The following CCSER2 variants were observed in gnomAD, a reference collection of about 807,000 sequenced individuals.
CCSER2 encodes the protein serine-rich coiled-coil domain-containing protein 2.
Under a neutral mutation model 92.3 loss-of-function variants are expected in CCSER2, and 46 were observed. The ratio of observed to expected loss-of-function variants is 0.50; its 90% CI spans 0.39 to 0.64. The LOEUF is 0.64. Ranked by LOEUF, CCSER2 falls within the 30% of genes least tolerant of loss-of-function variation. The probability of loss-of-function intolerance (pLI) is 0.00; values close to 1 mark genes in which losing one functional copy is unlikely to be tolerated. For missense variants in CCSER2, 1,244 were observed against 1,238.9 expected, an observed-to-expected ratio of 1.00 and a Z score of -0.06; for synonymous variants, 433 against 431.4, an observed-to-expected ratio of 1.00 and a Z score of -0.04.
chr10:84,501,844 T>A (rs866071645), intron 9 of CCSER2, among the ~76,000 whole-genome samples: 5 of 94,862 alleles, frequency 5.3e-5, no homozygotes, highest in Admixed American at 1.5e-4. Flanking sequence ...AATATATATA[T>A]ATATATATAT....
intron 3 of CCSER2, among the ~76,000 whole-genome samples, chr10:84,411,388 C>A (rs946714193): frequency 6.6e-6 from 1 of 152,068 alleles, no homozygotes. Context: ...AAATTCGTTT[C>A]GGCAGTATGG....
At chr10:84,441,746 T>G (rs1272642331) in intron 6 of CCSER2, among the ~76,000 whole-genome samples, 16 of 47,754 alleles carry the variant, frequency 3.4e-4, no homozygotes, top group South Asian at 8.1e-4. Context: ...GTTTTTTTTT[T>G]TTTTTTTTTT....
At chr10:84,407,745 C>A (rs1331648142) in intron 3 of CCSER2, among the ~76,000 whole-genome samples, 1 of 152,190 alleles carries the variant, frequency 6.6e-6, no homozygotes, top group Admixed American at 6.5e-5. Flanking sequence ...CTGGGCATAT[C>A]CTGTACCCAG....
intron 6 of CCSER2, among the ~76,000 whole-genome samples, chr10:84,444,533 C>T (rs1023309598): frequency 2.6e-5 from 4 of 152,122 alleles, no homozygotes; most frequent in African/African-American, 4.8e-5. Context: ...ATTAGTGATA[C>T]AACCAGGATT....
At chr10:84,459,681 C>A (rs1188211894) in intron 6 of CCSER2, among the ~76,000 whole-genome samples, 23 of 152,068 alleles carry the variant, frequency 1.5e-4, no homozygotes, top group Non-Finnish European at 4.4e-5. Flanking sequence ...TCCCACCACA[C>A]CTGGCTAATT....
chr10:84,453,339 C>T (rs1164882696), intron 6 of CCSER2, among the ~76,000 whole-genome samples: 2 of 152,080 alleles, frequency 1.3e-5, no homozygotes, highest in South Asian at 2.1e-4. Flanking sequence ...TAGAAGATCA[C>T]GTAGTAAATA....
intron 9 of CCSER2, among the ~76,000 whole-genome samples, chr10:84,509,292 ATATT>A (rs1441701743): frequency 6.6e-6 from 1 of 152,176 alleles, no homozygotes; most frequent in Non-Finnish European, 1.5e-5. Flanking sequence ...TATACCACTA[ATATT>A]TATTTATTCA....
chr10:84,434,600 G>T (rs1278861363), intron 5 of CCSER2, among the ~76,000 whole-genome samples: 3 of 152,106 alleles, frequency 2.0e-5, no homozygotes, highest in African/African-American at 7.2e-5. Flanking sequence ...GTTGTTCATT[G>T]TAGTATTCTT....
chr10:84,417,549 G>A (rs1178901887), intron 3 of CCSER2, among the ~76,000 whole-genome samples: 3 of 152,082 alleles, frequency 2.0e-5, no homozygotes, highest in Non-Finnish European at 4.4e-5. Context: ...AATCTATTGG[G>A]GAGGAAAGAC....
chr10:84,503,557 G>C (rs1848883577), intron 9 of CCSER2, among the ~76,000 whole-genome samples: 1 of 152,102 alleles, frequency 6.6e-6, no homozygotes, highest in South Asian at 2.1e-4. Context: ...AATTGTTTTT[G>C]GCAAATAGAA....
chr10:84,401,290 T>C (rs1288841145), intron 3 of CCSER2, among the ~76,000 whole-genome samples: 1 of 152,046 alleles, frequency 6.6e-6, no homozygotes, highest in Non-Finnish European at 1.5e-5. Flanking sequence ...AAAAGATCAA[T>C]AAAATTGATA....
chr10:84,351,248 T>G (rs1388598244), intron 1 of CCSER2, among the ~76,000 whole-genome samples: 1 of 152,028 alleles, frequency 6.6e-6, no homozygotes, highest in East Asian at 1.9e-4. Context: ...TTTTTGTTTT[T>G]TTTTTCCTTT....
intron 6 of CCSER2, among the ~76,000 whole-genome samples, chr10:84,454,357 A>G (rs1845478430): frequency 6.6e-6 from 1 of 152,158 alleles, no homozygotes; most frequent in African/African-American, 2.4e-5. Flanking sequence ...TACATCGTAA[A>G]GGCCTATTTT....
rs539527790 is a variant in CCSER2, at chr10:84,406,791, A to G, written c.1615-10980A>G. Among the ~76,000 whole-genome samples the G allele has an allele frequency of 4.2e-4, 64 of 152,338 alleles. 1 individual carries two copies. Among genetic ancestry groups the G allele is most frequent in the Middle Eastern group, 3.4e-3 (1 of 294 alleles). On this transcript the variant is annotated intron_variant, in intron 3 of 9. Coordinates refer to ENST00000372088, the MANE Select transcript of CCSER2 (RefSeq NM_001284240.2). ...ACAGGGAATAGAAACTCTTTCCCAC[A>G]TTAACCAATTTCCGCACTGCGTGGT...
At chr10:84,481,074 G>A (rs1179908338) in intron 9 of CCSER2, among the ~76,000 whole-genome samples, 1 of 151,992 alleles carries the variant, frequency 6.6e-6, no homozygotes, top group Non-Finnish European at 1.5e-5. Flanking sequence ...GTGGCTTGGT[G>A]GCCGTGATGT....
chr10:84,499,732 T>C, intron 9 of CCSER2: 1 of 649,546 alleles, frequency 1.5e-6, no homozygotes, highest in Non-Finnish European at 2.6e-6. Flanking sequence ...TTGAGCTGCC[T>C]GTATTTTAAA....
chr10:84,486,558 T>A (rs946614990), intron 9 of CCSER2, among the ~76,000 whole-genome samples: 1 of 152,254 alleles, frequency 6.6e-6, no homozygotes, highest in Non-Finnish European at 1.5e-5. Flanking sequence ...GAAGTGTCTG[T>A]TCATATCCTT....
At chr10:84,482,919 TA>T (rs1376813215) in intron 9 of CCSER2, among the ~76,000 whole-genome samples, 3 of 152,250 alleles carry the variant, frequency 2.0e-5, no homozygotes, top group Non-Finnish European at 4.4e-5. Flanking sequence ...TTTTCTCTCA[TA>T]TTTTTAAGAA....
chr10:84,348,471 G>GAGAGGGAGAGGGAGACCGTGGGGAGAGGA (rs1176165217), intron 1 of CCSER2, among the ~76,000 whole-genome samples: 7 of 152,120 alleles, frequency 4.6e-5, no homozygotes, highest in Non-Finnish European at 7.4e-5. Flanking sequence ...ACCATGGAAA[G>GAGAGGGAGAGGGAGACCGTGGGGAGAGGA]AGAGGGAGAG....
Sources: allele counts gnomAD v4.1 joint callset (sites outside exome capture counted in the v4.1 genomes callset), GRCh38; gene constraint gnomAD v4.1.1; transcripts MANE v1.5; gene names NCBI Gene and HGNC (gene_info 2026-07-23, HGNC 2026-07-21).